The following BMPR2 variants were observed in gnomAD, a reference collection of about 807,000 sequenced individuals.
BMPR2 encodes bone morphogenetic protein receptor type-2.
BMPR2 carries 29 observed loss-of-function variants against 100.8 expected under a neutral mutation model. That is an observed-to-expected ratio of 0.29 (90% confidence interval 0.21 to 0.39). The LOEUF is 0.39. Among genes scored for constraint, BMPR2 ranks in the 10% least tolerant of loss-of-function variants. The pLI, the probability that BMPR2 is intolerant of heterozygous loss-of-function variation, is 1.00. For missense variants in BMPR2, 1,011 were observed against 1,274.5 expected, an observed-to-expected ratio of 0.79 and a Z score of 3.15; for synonymous variants, 382 against 442.3, an observed-to-expected ratio of 0.86 and a Z score of 1.71.
At chr2:202,459,119 T>C (rs1312425819) in intron 1 of BMPR2, among the ~76,000 whole-genome samples, 2 of 152,232 alleles carry the variant, frequency 1.3e-5, no homozygotes, top group Non-Finnish European at 2.9e-5. Flanking sequence ...GTTTTCGTTT[T>C]TTGGATACTT....
chr2:202,553,805 C>T (rs1005396002), intron 11 of BMPR2, among the ~76,000 whole-genome samples: 3 of 152,118 alleles, frequency 2.0e-5, no homozygotes, highest in Non-Finnish European at 4.4e-5. Flanking sequence ...TCTCCTGCCT[C>T]GGCCTCCCGA....
At chr2:202,541,549 A>G (rs1688273268) in intron 9 of BMPR2, among the ~76,000 whole-genome samples, 1 of 152,242 alleles carries the variant, frequency 6.6e-6, no homozygotes. Context: ...GTAATGAGAC[A>G]TAGTGACTGT....
intron 3 of BMPR2, among the ~76,000 whole-genome samples, chr2:202,496,760 G>A (rs966778395): frequency 3.3e-5 from 5 of 152,212 alleles, no homozygotes; most frequent in South Asian, 2.1e-4. Flanking sequence ...AGTCCTTACC[G>A]CCCTCGCTCG....
intron 1 of BMPR2, among the ~76,000 whole-genome samples, chr2:202,398,415 C>T (rs1690696796): frequency 6.6e-6 from 1 of 152,102 alleles, no homozygotes; most frequent in Non-Finnish European, 1.5e-5. Flanking sequence ...ATATGTGAAG[C>T]AAATCGTGTG....
At chr2:202,501,762 C>A (rs1416406297) in intron 3 of BMPR2, among the ~76,000 whole-genome samples, 1 of 152,198 alleles carries the variant, frequency 6.6e-6, no homozygotes, top group Non-Finnish European at 1.5e-5. Flanking sequence ...AGATACCAGG[C>A]ACTACTCCTT....
At position 202,480,953 on chromosome 2, in the gene BMPR2, T is replaced by TAAAAAA. The variant is rs71035011; in HGVS notation, c.418+13286_418+13291dup. 1.8e-3 allele frequency among the ~76,000 whole-genome samples: 78 copies of TAAAAAA among 43,352 alleles called. 6 individuals are homozygous for TAAAAAA. Among genetic ancestry groups the TAAAAAA allele is most frequent in the African/African-American group, 7.1e-3 (70 of 9,892 alleles). The allele number at this position is 43,352 out of a possible 152,430, so 28.4% of individuals were successfully genotyped here. A position where few individuals can be genotyped will look rare whatever the true frequency, so the allele number is the denominator to read the frequency against. The stretch of plus-strand genomic sequence containing the variant: ...CTGGGCGACAGACCGAGACTCCGTC[T>TAAAAAA]AAAAAAAAAAAAAAAAAAAAAAAAA... On this transcript the variant is annotated intron_variant, in intron 3 of 12. Coordinates refer to ENST00000374580, the MANE Select transcript of BMPR2 (RefSeq NM_001204.7).
intron 9 of BMPR2, among the ~76,000 whole-genome samples, chr2:202,535,251 A>T (rs1331382024): frequency 1.4e-5 from 2 of 140,310 alleles, no homozygotes; most frequent in Non-Finnish European, 3.1e-5. Context: ...TCCCAGACGG[A>T]GCGGCTGCTG....
intron 9 of BMPR2, among the ~76,000 whole-genome samples, chr2:202,540,114 A>G (rs1212036535): frequency 6.6e-6 from 1 of 152,162 alleles, no homozygotes; most frequent in Admixed American, 6.5e-5. Context: ...ATTCTTAACC[A>G]TTGCATTCAT....
intron 3 of BMPR2, among the ~76,000 whole-genome samples, chr2:202,471,238 A>G (rs1472547092): frequency 6.6e-6 from 1 of 152,210 alleles, no homozygotes; most frequent in Non-Finnish European, 1.5e-5. Flanking sequence ...CATGAGTAGA[A>G]TGTCAAGTGC....
chr2:202,405,581 A>C (rs1198122128), intron 1 of BMPR2, among the ~76,000 whole-genome samples: 1 of 150,954 alleles, frequency 6.6e-6, no homozygotes, highest in South Asian at 2.1e-4. Context: ...CCAGCTACTC[A>C]GGAGGCTGAG....
intron 1 of BMPR2, among the ~76,000 whole-genome samples, chr2:202,410,916 T>A (rs1691001429): frequency 6.6e-6 from 1 of 152,110 alleles, no homozygotes; most frequent in Admixed American, 6.6e-5. Context: ...AATAGTAAAC[T>A]TTATTTTTAG....
Position 202,559,854 on chromosome 2 carries a change from G to A in BMPR2, c.3025G>A (p.Val1009Ile), listed in dbSNP as rs753792152. Residue 1009 changes from valine to isoleucine, a missense_variant, in exon 13 of 13, where the codon GTT becomes ATT. Physicochemically the swap from Val to Ile is conservative, Grantham distance 29. Around this residue, in one of 6 missense-constraint regions of BMPR2, gnomAD observed 58 missense variants for 72.3 expected, o/e 0.80. Transcript: ENST00000374580. ...EVNNNGSNRAVHSKSSTAVYL... is the reference protein window; with the variant it reads ...EVNNNGSNRAIHSKSSTAVYL... ...CAACAATAATGGCAGTAACAGGGCA[G>A]TTCATTCCAAATCCAGCACTGCTGT... 8 of 1,613,998 alleles carry A rather than the reference G, an allele frequency of 5.0e-6. No homozygotes were observed. Among genetic ancestry groups the A allele is most frequent in the Non-Finnish European group, 6.8e-6 (8 of 1,180,024 alleles).
rs1024375902 is a variant in BMPR2, at chr2:202,376,390, G to T, written c.-1085G>T. On this transcript the variant is annotated 5_prime_UTR_variant, in exon 1 of 13. Transcript: ENST00000374580. ...GAAGTGCCTCCCGGAGGGACGCAGG[G>T]TGTCTCGCCGCCTCCCTGCCCACCC... Among the ~76,000 whole-genome samples the T allele has an allele frequency of 1.3e-5, 2 of 148,514 alleles. No individual in the cohort carries two copies. Among genetic ancestry groups the T allele is most frequent in the African/African-American group, 2.5e-5 (1 of 40,386 alleles).
intron 1 of BMPR2, among the ~76,000 whole-genome samples, chr2:202,428,014 A>G (rs567844151): frequency 1.3e-5 from 2 of 152,090 alleles, no homozygotes; most frequent in East Asian, 3.9e-4. Flanking sequence ...AAAATAAATA[A>G]TACCTTTTAT....
intron 1 of BMPR2, among the ~76,000 whole-genome samples, chr2:202,433,368 T>A (rs1021325871): frequency 1.3e-5 from 2 of 150,674 alleles, no homozygotes; most frequent in Non-Finnish European, 2.9e-5. Context: ...TTTTCAAAAA[T>A]TTTTTGTGCC....
intron 10 of BMPR2, among the ~76,000 whole-genome samples, chr2:202,550,947 CTTTTTTTTTTT>C (rs34364158): frequency 1.5e-5 from 1 of 68,310 alleles, no homozygotes; most frequent in African/African-American, 6.6e-5. Flanking sequence ...AGCATATCAG[CTTTTTTTTTTT>C]TTTTTTTTTT....
chr2:202,422,346 G>A (rs1032714312), intron 1 of BMPR2, among the ~76,000 whole-genome samples: 2 of 150,012 alleles, frequency 1.3e-5, no homozygotes, highest in African/African-American at 4.9e-5. Flanking sequence ...TTGCTCTGTC[G>A]CCCAGGCTGG....
chr2:202,520,229 A>C, intron 7 of BMPR2, 28 bp downstream of exon 7: 3 of 1,490,556 alleles, frequency 2.0e-6, no homozygotes, highest in South Asian at 2.3e-5. Flanking sequence ...TGAAATTGAC[A>C]CTCATGTGGG....
intron 1 of BMPR2, among the ~76,000 whole-genome samples, chr2:202,448,832 T>A (rs532653780): frequency 6.6e-6 from 1 of 152,212 alleles, no homozygotes; most frequent in Admixed American, 6.5e-5. Flanking sequence ...TATGTGCTTT[T>A]CTGTGGTTTA....
Sources: gnomAD v4.1 joint callset for allele counts (sites outside exome capture counted in the v4.1 genomes callset) on GRCh38, gnomAD v4.1.1 for gene constraint, gnomAD v4.1.1 regional missense constraint, MANE v1.5 for transcripts, NCBI Gene and HGNC (gene_info 2026-07-23, HGNC 2026-07-21) for gene names.